TMEM37: variants seen among roughly 807,000 people sequenced by gnomAD.
The protein encoded by TMEM37 is transmembrane protein 37.
In TMEM37, 12 loss-of-function variants were observed where a neutral mutation model predicts 11.0. That is an observed-to-expected ratio of 1.09 (90% CI 0.70 to 1.76). The LOEUF is 1.76. Ranked by LOEUF, TMEM37 falls within the 40% of genes most tolerant of loss-of-function variation. The pLI is 0.00. For missense variants in TMEM37, 203 were observed against 251.2 expected, an observed-to-expected ratio of 0.81 and a Z score of 1.30; for synonymous variants, 127 against 110.5, an observed-to-expected ratio of 1.15 and a Z score of -0.94.
At chr2:119,434,666 G>C (rs1482397773) in intron 1 of TMEM37, among the ~76,000 whole-genome samples, 6 of 152,104 alleles carry the variant, frequency 3.9e-5, no homozygotes, top group African/African-American at 1.4e-4. Context: ...CCATGTTTTT[G>C]ACCGCACCCA....
At chr2:119,435,378 C>T (rs1682478036) in intron 1 of TMEM37, among the ~76,000 whole-genome samples, 1 of 152,196 alleles carries the variant, frequency 6.6e-6, no homozygotes, top group Non-Finnish European at 1.5e-5. Context: ...TAGGACACAC[C>T]CCATGTTCCT....
rs535086607 is a variant in TMEM37 at position 119,432,573 on chromosome 2, C to A, written c.21+649C>A. Among the ~76,000 whole-genome samples the A allele has an allele frequency of 4.0e-5, 6 of 151,772 alleles. No homozygotes were observed. In the South Asian group the frequency reaches 8.3e-4, roughly 21 times the overall value. ...TTGGCTAAGAACCTACACATTCCTA[C>A]CCGCTCCCTCGGGCCTGCTGCTCCC... On this transcript the variant is annotated intron_variant, in intron 1 of 1. Coordinates refer to ENST00000306406, the MANE Select transcript of TMEM37 (RefSeq NM_183240.3).
In TMEM37 at chr2:119,437,606, C is replaced by T. The variant is rs2278565; in HGVS notation, c.*166C>T. The T allele has an allele frequency of 1.1e-6, 1 of 904,266 alleles. No homozygotes were observed. Among genetic ancestry groups the T allele is most frequent in the Non-Finnish European group, 1.6e-6 (1 of 612,202 alleles). The allele number at this position is 904,266 out of a possible 1,614,324, so 56.0% of individuals were successfully genotyped here. ...TGTGGGTGGTCAGCCAGAAATGGCC[C>T]GGGGGCCTCTGCACCTGGTCTGCAG... is the stretch of plus-strand genomic sequence containing the variant. On this transcript the variant is annotated 3_prime_UTR_variant, in exon 2 of 2. Coordinates refer to ENST00000306406, the MANE Select transcript of TMEM37 (RefSeq NM_183240.3).
At chr2:119,434,351 C>T (rs1473092069) in intron 1 of TMEM37, among the ~76,000 whole-genome samples, 1 of 152,148 alleles carries the variant, frequency 6.6e-6, no homozygotes, top group Non-Finnish European at 1.5e-5. Flanking sequence ...GATGAGGAAA[C>T]AAGGGCTCAG....
At chr2:119,433,837 T>C (rs1682449069) in intron 1 of TMEM37, among the ~76,000 whole-genome samples, 1 of 152,158 alleles carries the variant, frequency 6.6e-6, no homozygotes, top group African/African-American at 2.4e-5. Context: ...TTTCAGGCCC[T>C]GCATCACTGA....
intron 1 of TMEM37, among the ~76,000 whole-genome samples, chr2:119,434,522 C>G (rs1170251874): frequency 6.6e-6 from 1 of 151,166 alleles, no homozygotes; most frequent in Non-Finnish European, 1.5e-5. Flanking sequence ...CAAGCAGGTA[C>G]AGGGCTCAGT....
At chr2:119,432,493 A>G (rs1028885644) in intron 1 of TMEM37, among the ~76,000 whole-genome samples, 1 of 152,088 alleles carries the variant, frequency 6.6e-6, no homozygotes, top group African/African-American at 2.4e-5. Flanking sequence ...GCGAGGGAAG[A>G]AGCCCGTGTC....
At chr2:119,431,848 G>A (rs1448296707), upstream of TMEM37, 56 of 1,230,582 alleles carry the variant, frequency 4.6e-5, no homozygotes, top group East Asian at 9.8e-5. Flanking sequence ...TGGCGCCGGC[G>A]GCCACAGCGG....
chr2:119,432,767 T>C (rs1353701634), intron 1 of TMEM37, among the ~76,000 whole-genome samples: 3 of 152,196 alleles, frequency 2.0e-5, no homozygotes, highest in Non-Finnish European at 4.4e-5. Context: ...GACACCGTTC[T>C]GCCCATTGTA....
chr2:119,431,930 C>G lies in TMEM37; in HGVS notation c.21+6C>G. Reference sequence around the variant, plus strand: ...TGACTGCCGTCGGCGTGCAGGTAGCCGGCGCCTGGCGGGGCGCTGACCCGG... The same window carrying G: ...TGACTGCCGTCGGCGTGCAGGTAGCGGGCGCCTGGCGGGGCGCTGACCCGG... On this transcript the variant is annotated splice_donor_region_variant and intron_variant, in intron 1 of 1. Transcript: ENST00000306406. 2.5e-6 allele frequency: 3 copies of G among 1,224,426 alleles called. No individual in the cohort carries two copies. Among genetic ancestry groups the G allele is most frequent in the Non-Finnish European group, 3.1e-6 (3 of 983,038 alleles). The allele number at this position is 1,224,426 out of a possible 1,614,324, so 75.8% of individuals were successfully genotyped here.
upstream of TMEM37, chr2:119,431,845 G>T (rs1193762978): frequency 3.3e-6 from 4 of 1,229,026 alleles, no homozygotes; most frequent in East Asian, 6.5e-5. Context: ...GGCTGGCGCC[G>T]GCGGCCACAG....
Position 119,437,293 on chromosome 2 carries a change from C to T in TMEM37, c.426C>T (p.Leu142=), listed in dbSNP as rs776814468. The change falls in exon 2 of 2, where the codon CTC becomes CTT. Residue 142 remains leucine (L), a synonymous_variant. Coordinates refer to ENST00000306406, the MANE Select transcript of TMEM37 (RefSeq NM_183240.3). ...CTTTCGTCCTCTCCTCCGGCGGGCT[C>T]CTGGGTTTTGTGATCCTCCTCAGGA... is the stretch of plus-strand genomic sequence containing the variant. ...LVSFVLSSGG[L]LGFVILLRNQ... 4 of 1,614,234 alleles carry T rather than the reference C, an allele frequency of 2.5e-6. No individual in the cohort carries two copies. Among genetic ancestry groups the T allele is most frequent in the Admixed American group, 3.3e-5 (2 of 60,036 alleles).
intron 1 of TMEM37, among the ~76,000 whole-genome samples, chr2:119,434,368 A>T (rs1558824422): frequency 6.6e-6 from 1 of 152,162 alleles, no homozygotes; most frequent in Non-Finnish European, 1.5e-5. Context: ...TCAGGAAGTT[A>T]AGAAACTGCC....
At position 119,437,012 on chromosome 2, in the gene TMEM37, C is replaced by T. The variant is rs758578873; in HGVS notation, c.145C>T (p.His49Tyr). ...VLSSVSICDG[H>Y]WLLAEDRLFG... ...GTCCTCGGTCTCCATTTGTGATGGG[C>T]ACTGGCTCCTGGCTGAGGACCGCCT... The change falls in exon 2 of 2, where the codon CAC becomes TAC. Residue 49 changes from histidine (H) to tyrosine (Y), a missense_variant. Coordinates refer to ENST00000306406, the MANE Select transcript of TMEM37 (RefSeq NM_183240.3). 3 of 1,614,160 alleles carry T rather than the reference C, an allele frequency of 1.9e-6. No individual in the cohort carries two copies. The highest frequency in any genetic ancestry group is 1.3e-5 in the African/African-American group (1 of 74,952).
At chr2:119,436,378 A>G (rs202092090) in intron 1 of TMEM37, among the ~76,000 whole-genome samples, 1 of 152,150 alleles carries the variant, frequency 6.6e-6, no homozygotes, top group East Asian at 1.9e-4. Flanking sequence ...CAGCTCCCGA[A>G]TCATCAGGTG....
At chr2:119,430,385 C>T (rs1188023947), upstream of TMEM37, 5 of 479,732 alleles carry the variant, frequency 1.0e-5, no homozygotes, top group Non-Finnish European at 2.1e-5. Flanking sequence ...AGAACTCAAA[C>T]CTGGACTAGG....
chr2:119,432,574 C>G (rs769561735), intron 1 of TMEM37, among the ~76,000 whole-genome samples: 1 of 151,642 alleles, frequency 6.6e-6, no homozygotes, highest in Non-Finnish European at 1.5e-5. Context: ...ACATTCCTAC[C>G]CGCTCCCTCG....
chr2:119,435,074 A>G (rs1682472210), intron 1 of TMEM37, among the ~76,000 whole-genome samples: 1 of 152,280 alleles, frequency 6.6e-6, no homozygotes, highest in African/African-American at 2.4e-5. Flanking sequence ...TGCCCTCTGC[A>G]TAGTTTCCTT....
chr2:119,431,769 G>A, upstream of TMEM37: 1 of 706,320 alleles, frequency 1.4e-6, no homozygotes, highest in Non-Finnish European at 1.9e-6. Context: ...TAATCGCCGA[G>A]CTTTGAACGC....
Sources: allele counts gnomAD v4.1 joint callset (sites outside exome capture counted in the v4.1 genomes callset), GRCh38; gene constraint gnomAD v4.1.1; transcripts MANE v1.5; gene names NCBI Gene and HGNC (gene_info 2026-07-23, HGNC 2026-07-21).